PTPRG: variants seen among roughly 807,000 people sequenced by gnomAD.
PTPRG encodes the protein receptor-type tyrosine-protein phosphatase gamma.
PTPRG carries 102 observed loss-of-function variants against 165.3 expected under a neutral mutation model. That is an observed-to-expected ratio of 0.62 (90% CI 0.53 to 0.73). The LOEUF (loss-of-function observed/expected upper bound fraction) is 0.73. PTPRG is among the 30% of genes least tolerant of loss of function. The probability of loss-of-function intolerance (pLI) is 0.00; values close to 1 mark genes in which losing one functional copy is unlikely to be tolerated. For synonymous variants in PTPRG, 675 were observed against 669.5 expected (o/e 1.01, Z -0.13); for missense variants, 1,866 against 1,861.4 (o/e 1.00, Z -0.05).
At chr3:61,911,805 T>C (rs1279606349) in intron 2 of PTPRG, among the ~76,000 whole-genome samples, 3 of 152,214 alleles carry the variant, frequency 2.0e-5, no homozygotes, top group Admixed American at 6.5e-5. Flanking sequence ...TAAAGAAAGA[T>C]TGAAGTTGGT....
chr3:62,258,145 T>A (rs1216444552), intron 16 of PTPRG, among the ~76,000 whole-genome samples: 1 of 152,106 alleles, frequency 6.6e-6, no homozygotes, highest in Non-Finnish European at 1.5e-5. Context: ...CATTACATGA[T>A]CTTTATGGTC....
chr3:61,887,441 T>C (rs1021669927), intron 2 of PTPRG, among the ~76,000 whole-genome samples: 5 of 152,078 alleles, frequency 3.3e-5, no homozygotes, highest in African/African-American at 7.2e-5. Flanking sequence ...GTGTACTGTT[T>C]ACAAACATGT....
At position 62,297,169 on chromosome 3, in the gene PTPRG, G is replaced by T. The variant is rs1305269291; in HGVS notation, c.*3862G>T. ...TTTGTATCTATGGTATATAATCATAGAATTTTATATTTTCATATAAAGCTA... is the reference window on the plus strand; with the variant it reads ...TTTGTATCTATGGTATATAATCATATAATTTTATATTTTCATATAAAGCTA... On this transcript the variant is annotated 3_prime_UTR_variant, in exon 30 of 30. Transcript: ENST00000474889. 2.6e-5 allele frequency: 4 copies of T among 151,982 alleles called. No homozygotes were observed. Among genetic ancestry groups the T allele is most frequent in the Non-Finnish European group, 5.9e-5 (4 of 67,938 alleles). The allele number at this position is 151,982 out of a possible 1,614,324, so 9.4% of individuals were successfully genotyped here.
intron 1 of PTPRG, among the ~76,000 whole-genome samples, chr3:61,625,181 T>C (rs1464391613): frequency 6.6e-6 from 1 of 151,830 alleles, no homozygotes; most frequent in Non-Finnish European, 1.5e-5. Context: ...TAAGGTCACA[T>C]TCGGAGATAC....
In PTPRG at chr3:62,240,556, T is replaced by G. The variant is rs1021500054; in HGVS notation, c.2376-3251T>G. Among the ~76,000 whole-genome samples the G allele has an allele frequency of 6.6e-6, 1 of 152,190 alleles. No homozygotes were observed. Among genetic ancestry groups the G allele is most frequent in the Admixed American group, 6.5e-5 (1 of 15,280 alleles). On this transcript the variant is annotated intron_variant, in intron 14 of 29. Coordinates refer to ENST00000474889, the MANE Select transcript of PTPRG (RefSeq NM_002841.4). This position sits in a 1 kb window ranked among gnomAD's most constrained non-coding sequence, Gnocchi z 5.1. The stretch of plus-strand genomic sequence containing the variant: ...CCATGGATTAAAGCCTTTCATTGAC[T>G]GTCCCCTGCTCCTAGACACCAGTGA...
At chr3:61,616,585 A>C (rs1360571111) in intron 1 of PTPRG, among the ~76,000 whole-genome samples, 1 of 152,158 alleles carries the variant, frequency 6.6e-6, no homozygotes, top group Non-Finnish European at 1.5e-5. Context: ...CTCCACGCCA[A>C]GCCCTTCTCC....
chr3:61,767,242 A>G (rs1253675001), intron 2 of PTPRG, among the ~76,000 whole-genome samples: 15 of 147,272 alleles, frequency 1.0e-4, no homozygotes, highest in Non-Finnish European at 1.6e-4. Flanking sequence ...TTCCATCTCA[A>G]AAAAAAAAAA....
intron 5 of PTPRG, among the ~76,000 whole-genome samples, chr3:62,105,896 G>T (rs916044265): frequency 2.0e-5 from 3 of 152,146 alleles, no homozygotes; most frequent in African/African-American, 7.2e-5. Context: ...ATTCCACTAT[G>T]TGCCTAGGGA....
chr3:62,043,831 C>T (rs1315439361), intron 4 of PTPRG, among the ~76,000 whole-genome samples: 2 of 151,934 alleles, frequency 1.3e-5, no homozygotes, highest in Middle Eastern at 3.2e-3. Context: ...GAAGAAAATA[C>T]GTGAATGAAG....
chr3:62,183,733 C>A (rs1474206318), intron 8 of PTPRG, among the ~76,000 whole-genome samples: 1 of 152,012 alleles, frequency 6.6e-6, no homozygotes, highest in Non-Finnish European at 1.5e-5. Flanking sequence ...TTTAGAGAGA[C>A]CCGAAGGAGT....
intron 8 of PTPRG, among the ~76,000 whole-genome samples, chr3:62,186,297 C>T (rs1424147835): frequency 6.6e-6 from 1 of 152,170 alleles, no homozygotes; most frequent in Admixed American, 6.5e-5. Context: ...ATGGAATCCT[C>T]TTCAATGGAG....
intron 9 of PTPRG, among the ~76,000 whole-genome samples, chr3:62,193,737 G>T (rs1312945656): frequency 1.3e-5 from 2 of 152,212 alleles, no homozygotes; most frequent in Non-Finnish European, 2.9e-5. Context: ...AACAGCAGCA[G>T]GTGTGGCCAC....
At chr3:61,917,449 G>C (rs1228277843) in intron 2 of PTPRG, among the ~76,000 whole-genome samples, 1 of 152,076 alleles carries the variant, frequency 6.6e-6, no homozygotes, top group Non-Finnish European at 1.5e-5. Flanking sequence ...GGTTCTTTGC[G>C]TGTTGCTAAA....
At chr3:62,029,088 G>A (rs924982226) in intron 4 of PTPRG, among the ~76,000 whole-genome samples, 12 of 152,112 alleles carry the variant, frequency 7.9e-5, no homozygotes, top group African/African-American at 2.9e-4. Flanking sequence ...GGAAAATGGG[G>A]CACTTAGCAG....
chr3:61,790,454 C>T, intron 2 of PTPRG, among the ~76,000 whole-genome samples: 1 of 152,128 alleles, frequency 6.6e-6, no homozygotes, highest in Non-Finnish European at 1.5e-5. Flanking sequence ...AAACTCAGAC[C>T]ATGTTCTATT....
intron 1 of PTPRG, among the ~76,000 whole-genome samples, chr3:61,656,610 G>T (rs937886758): frequency 2.0e-5 from 3 of 152,120 alleles, no homozygotes; most frequent in African/African-American, 7.2e-5. Flanking sequence ...CGTATTCTTG[G>T]TTCGGCATTC....
At chr3:62,140,628 C>G (rs1437685653) in intron 6 of PTPRG, among the ~76,000 whole-genome samples, 1 of 151,992 alleles carries the variant, frequency 6.6e-6, no homozygotes, top group Non-Finnish European at 1.5e-5. Flanking sequence ...GGGCAGATCA[C>G]CTGAGGTCAG....
intron 1 of PTPRG, among the ~76,000 whole-genome samples, chr3:61,638,945 T>C (rs1038576766): frequency 6.6e-6 from 1 of 152,198 alleles, no homozygotes; most frequent in African/African-American, 2.4e-5. Flanking sequence ...TATTTGTTTT[T>C]ATTGCAATTG....
intron 2 of PTPRG, among the ~76,000 whole-genome samples, chr3:61,886,331 C>G (rs1263587765): frequency 6.6e-6 from 1 of 151,996 alleles, no homozygotes; most frequent in Admixed American, 6.6e-5. Flanking sequence ...CAAAAGTAAA[C>G]CTTTCTGCAT....
Sources: gnomAD v4.1 joint callset for allele counts (sites outside exome capture counted in the v4.1 genomes callset) on GRCh38, gnomAD v4.1.1 for gene constraint, Gnocchi (gnomAD v3.1) non-coding constraint, MANE v1.5 for transcripts, NCBI Gene and HGNC (gene_info 2026-07-23, HGNC 2026-07-21) for gene names.